The following EP400 variants were observed in gnomAD, a reference collection of about 807,000 sequenced individuals.
EP400 encodes E1A binding protein p400, also known as E1A-binding protein p400.
In EP400, 105 loss-of-function variants were observed where a neutral mutation model predicts 354.1. That is an observed-to-expected ratio of 0.30 (90% CI 0.25 to 0.35). The LOEUF is 0.35. Among genes scored for constraint, EP400 ranks in the 10% least tolerant of loss-of-function variants. The pLI, the probability that EP400 is intolerant of heterozygous loss-of-function variation, is 1.00. For synonymous variants in EP400, 1,646 were observed against 1,716.9 expected (o/e 0.96, Z 1.02); for missense variants, 3,280 against 4,121.0 (o/e 0.80, Z 5.59).
chr12:132,068,441 C>T (rs1895967550), intron 50 of EP400: 1 of 152,454 alleles, frequency 6.6e-6, no homozygotes, highest in Non-Finnish European at 1.5e-5. Context: ...GTTCTTTGTG[C>T]CACACCACCT....
chr12:132,065,642 A>T (rs1485132500), intron 48 of EP400: 2 of 152,310 alleles, frequency 1.3e-5, no homozygotes, highest in Non-Finnish European at 2.9e-5. Context: ...AACTCAAGCT[A>T]GGATTTGGGG....
In EP400 at chr12:132,061,957, T is replaced by C. The variant is rs528667302; in HGVS notation, c.7885-153T>C. Among the ~76,000 whole-genome samples the C allele has an allele frequency of 7.9e-5, 12 of 152,372 alleles. No homozygotes were observed. In the East Asian group the frequency reaches 1.2e-3, roughly 15 times the overall value. On this transcript the variant is annotated intron_variant, in intron 45 of 52. Transcript: ENST00000389561. ...GGGCACTTGCTTGTGAATTTACACA[T>C]GAAATCAGCAGTTTTCAAAAGACTG... is the stretch of plus-strand genomic sequence containing the variant.
intron 13 of EP400, 120 bp downstream of exon 13, chr12:132,005,304 T>C (rs1455017161): frequency 7.9e-6 from 5 of 635,350 alleles, no homozygotes; most frequent in South Asian, 6.2e-5. Context: ...ATTAGAAATA[T>C]TTAATAAGTA....
intron 24 of EP400, among the ~76,000 whole-genome samples, chr12:132,024,407 T>C (rs1190152774): frequency 6.6e-6 from 1 of 152,214 alleles, no homozygotes. Flanking sequence ...TATTTGCTGC[T>C]TTCTAATATA....
rs753661949 is a variant in EP400 at position 132,062,197 on chromosome 12, C to G, written c.7972C>G (p.Leu2658Val). 3.1e-6 allele frequency: 5 copies of G among 1,614,080 alleles called. No individual in the cohort carries two copies. The highest frequency in any genetic ancestry group is 1.3e-5 in the African/African-American group (1 of 74,942). The change falls in exon 46 of 53, where the codon CTG becomes GTG. Residue 2658 changes from leucine (L) to valine (V), a missense_variant. Around this residue, in one of 20 missense-constraint regions of EP400, gnomAD observed 255 missense variants for 295.9 expected, o/e 0.86. Coordinates refer to ENST00000389561, the MANE Select transcript of EP400 (RefSeq NM_015409.5). ...VGSPATATPD[L>V]VSMATTQGVR... ...CTCCCCAGCCACGGCGACCCCTGAC[C>G]TGGTGTCCATGGCAACGACTCAGGG...
At chr12:131,950,780 GT>G (rs1891447602) in intron 1 of EP400, among the ~76,000 whole-genome samples, 1 of 152,354 alleles carries the variant, frequency 6.6e-6, no homozygotes, top group South Asian at 2.1e-4. Flanking sequence ...CTGAGACGGG[GT>G]CTCGCTCTGT....
chr12:131,996,353 G>A (rs536604936), intron 12 of EP400, among the ~76,000 whole-genome samples: 105 of 148,538 alleles, frequency 7.1e-4, no homozygotes, highest in East Asian at 2.0e-3. Flanking sequence ...GTGCAGTGGC[G>A]TGATCTCGGC....
At position 132,055,095 on chromosome 12, in the gene EP400, G is replaced by A. The variant is rs375837126; in HGVS notation, c.7775-4G>A. On this transcript the variant is annotated splice_region_variant and splice_polypyrimidine_tract_variant and intron_variant, in intron 44 of 52. Transcript: ENST00000389561. ...TGTTGCCTTATGCCCGCCTGTCTCC[G>A]CAGGTGCCGTGAGTGGAAATGTGAT... 1.4e-5 allele frequency: 22 copies of A among 1,613,628 alleles called. No individual in the cohort carries two copies. Among genetic ancestry groups the A allele is most frequent in the Middle Eastern group, 3.3e-4 (2 of 6,078 alleles).
intron 4 of EP400, among the ~76,000 whole-genome samples, 157 bp downstream of exon 4, chr12:131,981,753 A>G (rs1441060928): frequency 6.6e-6 from 1 of 152,212 alleles, no homozygotes; most frequent in Non-Finnish European, 1.5e-5. Flanking sequence ...AGTCGATATC[A>G]TATGCAAAGC....
At chr12:132,011,425 G>T in intron 15 of EP400, 73 bp from the exon 16 acceptor site, 1 of 1,564,280 alleles carries the variant, frequency 6.4e-7, no homozygotes, top group Non-Finnish European at 8.7e-7. Flanking sequence ...AAGCGTCTCT[G>T]GTCAGACACA....
chr12:132,044,342 G>GT (rs1895013869), intron 35 of EP400, 31 bp downstream of exon 35: 1 of 1,600,964 alleles, frequency 6.2e-7, no homozygotes, highest in African/African-American at 1.3e-5. Context: ...CTGCCCTCTT[G>GT]CCCCCCTGCT....
In EP400 at chr12:132,045,306, CCT is replaced by C. The variant is rs1895055112; in HGVS notation, c.6785-8_6785-7del. Reference sequence around the variant, plus strand: ...TGGTTTACTCTCTTGCTGAAGACTGCCTCTCTGTTCAGCTGCAGGCAGGAAGA... The same window carrying C: ...TGGTTTACTCTCTTGCTGAAGACTGCCTCTGTTCAGCTGCAGGCAGGAAGA... On this transcript the variant is annotated splice_polypyrimidine_tract_variant and intron_variant, in intron 37 of 52. Coordinates refer to ENST00000389561, the MANE Select transcript of EP400 (RefSeq NM_015409.5). 1.2e-6 allele frequency: 2 copies of C among 1,613,630 alleles called. No individual in the cohort carries two copies. The highest frequency in any genetic ancestry group is 1.7e-6 in the Non-Finnish European group (2 of 1,179,720).
At chr12:132,021,387 CGGGGATGTA>C (rs1477092336) in intron 23 of EP400, 66 bp downstream of exon 23, 34 of 1,438,736 alleles carry the variant, frequency 2.4e-5, no homozygotes, top group Non-Finnish European at 2.8e-5. Context: ...GTTAAGAACA[CGGGGATGTA>C]GGAGGAGCCT....
rs1216315015 is a variant in EP400, at chr12:132,030,081, A to G, written c.5677A>G (p.Ile1893Val). Residue 1893 changes from isoleucine to valine, a missense_variant, in exon 29 of 53, where the codon ATT becomes GTT. By Grantham distance (29) the Ile-to-Val change is conservative. Around this residue, in one of 20 missense-constraint regions of EP400, gnomAD observed 459 missense variants for 496.9 expected, o/e 0.92. Transcript: ENST00000389561. ...ATCACAGATGATTCTTATGTTGGAC[A>G]TTTTAGAGATGTTCTTGAACTTCCA... ...ILSQMILMLDILEMFLNFHYL... is the reference protein window; with the variant it reads ...ILSQMILMLDVLEMFLNFHYL... The G allele has an allele frequency of 1.9e-6, 3 of 1,614,114 alleles. No homozygotes were observed. The highest frequency in any genetic ancestry group is 2.7e-5 in the African/African-American group (2 of 74,938).
chr12:131,976,875 T>G (rs1042186365), intron 2 of EP400, among the ~76,000 whole-genome samples: 2 of 152,156 alleles, frequency 1.3e-5, no homozygotes, highest in Non-Finnish European at 2.9e-5. Context: ...ATGTGGGGCC[T>G]CCTCCTTTTC....
intron 51 of EP400, 33 bp downstream of exon 51, chr12:132,069,674 C>T: frequency 1.2e-6 from 2 of 1,610,528 alleles, no homozygotes; most frequent in Non-Finnish European, 1.7e-6. Context: ...GCCCGAGTGT[C>T]AGGAGTGGGT....
At chr12:132,026,273 T>G (rs1033711175) in intron 25 of EP400, among the ~76,000 whole-genome samples, 65 of 152,138 alleles carry the variant, frequency 4.3e-4, no homozygotes, top group Non-Finnish European at 1.5e-5. Context: ...TGCTCTGTCA[T>G]GATGTGGTGT....
intron 45 of EP400, among the ~76,000 whole-genome samples, chr12:132,061,061 T>C (rs544298499): frequency 6.6e-6 from 1 of 152,138 alleles, no homozygotes; most frequent in East Asian, 1.9e-4. Context: ...GGTAGACTCA[T>C]GGATGAACGC....
intron 25 of EP400, among the ~76,000 whole-genome samples, chr12:132,026,102 C>T (rs1198229034): frequency 3.9e-5 from 6 of 152,190 alleles, no homozygotes; most frequent in Non-Finnish European, 5.9e-5. Context: ...TTGTATATCG[C>T]CAGTGTGCTC....
Sources: gnomAD v4.1 joint callset for allele counts (sites outside exome capture counted in the v4.1 genomes callset) on GRCh38, gnomAD v4.1.1 for gene constraint, gnomAD v4.1.1 regional missense constraint, MANE v1.5 for transcripts, NCBI Gene and HGNC (gene_info 2026-07-23, HGNC 2026-07-21) for gene names.